The following SV2C variants were observed in gnomAD, a reference collection of about 807,000 sequenced individuals.
SV2C encodes the protein synaptic vesicle glycoprotein 2C.
A neutral mutation model predicts 79.7 loss-of-function variants in SV2C; 49 were observed. The observed-to-expected ratio is 0.61, with a 90% confidence interval of 0.49 to 0.78. The LOEUF (loss-of-function observed/expected upper bound fraction) is 0.78, where lower values mean the gene tolerates loss of function less well. Among genes scored for constraint, SV2C ranks in the 30% least tolerant of loss-of-function variants. The probability of loss-of-function intolerance (pLI) is 0.00; values close to 1 mark genes in which losing one functional copy is unlikely to be tolerated. For synonymous variants in SV2C, 334 were observed against 333.2 expected (o/e 1.00, Z -0.03); for missense variants, 833 against 912.9 (o/e 0.91, Z 1.13).
Position 76,151,061 on chromosome 5 carries a change from C to T in SV2C, c.580+18731C>T, listed in dbSNP as rs150266748. On this transcript the variant is annotated intron_variant, in intron 2 of 12. Transcript: ENST00000502798. ...CTTGTCATCAGAATGACACAGGAAG[C>T]AAAGGACTGAGAGATTCATTCTGTT... Among the ~76,000 whole-genome samples, 655 of 152,206 alleles carry T rather than the reference C, an allele frequency of 4.3e-3. 3 individuals are homozygous for T. The highest frequency in any genetic ancestry group is 0.015 in the African/African-American group (629 of 41,516).
chr5:76,108,310 T>C (rs911629359), intron 1 of SV2C, among the ~76,000 whole-genome samples: 2 of 152,206 alleles, frequency 1.3e-5, no homozygotes, highest in Non-Finnish European at 2.9e-5. Context: ...TTAACTTATA[T>C]AATGTGGCCA....
the SV2C span, among the ~76,000 whole-genome samples, chr5:75,856,125 A>T: frequency 1.3e-5 from 2 of 152,198 alleles, no homozygotes; most frequent in Non-Finnish European, 2.9e-5. Context: ...ACAGGAACTC[A>T]TTCTTTTTGG....
chr5:76,010,091 C>G, the SV2C span, among the ~76,000 whole-genome samples: 3 of 150,834 alleles, frequency 2.0e-5, no homozygotes, highest in Non-Finnish European at 4.4e-5. Context: ...GTTGTATCCC[C>G]AGCACCTACA....
At chr5:75,931,335 T>G in the SV2C span, among the ~76,000 whole-genome samples, 48 of 152,342 alleles carry the variant, frequency 3.2e-4, no homozygotes, top group African/African-American at 1.1e-3. Flanking sequence ...ACAAATCTTC[T>G]ATGTGGTCAT....
At chr5:76,061,196 T>C in the SV2C span, among the ~76,000 whole-genome samples, 1 of 135,950 alleles carries the variant, frequency 7.4e-6, no homozygotes, top group Admixed American at 8.5e-5. Flanking sequence ...AGAGACAAAA[T>C]GAGCACATGC....
At chr5:75,955,358 C>G in the SV2C span, among the ~76,000 whole-genome samples, 2 of 150,662 alleles carry the variant, frequency 1.3e-5, no homozygotes, top group Non-Finnish European at 3.0e-5. Context: ...AAAGCTGAAA[C>G]TGGATCCCTT....
At chr5:76,323,681 G>A (rs1251760468) in intron 12 of SV2C, among the ~76,000 whole-genome samples, 1 of 152,186 alleles carries the variant, frequency 6.6e-6, no homozygotes, top group Non-Finnish European at 1.5e-5. Context: ...TGTGGTACAT[G>A]TACACCATGG....
the SV2C span, among the ~76,000 whole-genome samples, chr5:76,012,196 A>C: frequency 6.6e-6 from 1 of 152,192 alleles, no homozygotes; most frequent in Non-Finnish European, 1.5e-5. Context: ...TGTCTTCCAC[A>C]ATGGTTGAAC....
At position 76,260,659 on chromosome 5, in the gene SV2C, A is replaced by C. The variant is rs371888403; in HGVS notation, c.914-24503A>C. 3.2e-4 allele frequency among the ~76,000 whole-genome samples: 49 copies of C among 152,308 alleles called. No homozygotes were observed. In the South Asian group the frequency reaches 9.5e-3, roughly 30 times the overall value. On this transcript the variant is annotated intron_variant, in intron 4 of 12. Coordinates refer to ENST00000502798, the MANE Select transcript of SV2C (RefSeq NM_014979.4). ...GGTGTCCAGTTTCTGTTTTCTTTAT[A>C]TGGCTAGCCAGTTTTCCCAGTACCA...
At chr5:76,082,896 A>T (rs535942689), upstream of SV2C, among the ~76,000 whole-genome samples, 219 of 152,316 alleles carry the variant, frequency 1.4e-3, 2 homozygotes, top group African/African-American at 5.1e-3. Flanking sequence ...AGTCAGTCCC[A>T]GGCCCGGAAA....
At chr5:76,153,194 C>A (rs1742609052) in intron 2 of SV2C, among the ~76,000 whole-genome samples, 4 of 152,144 alleles carry the variant, frequency 2.6e-5, no homozygotes, top group Admixed American at 2.6e-4. Flanking sequence ...GAAAGGAGTT[C>A]CTAGGAGTAG....
rs116728765 is a variant in SV2C at position 76,178,150 on chromosome 5, G to A, written c.581-16769G>A. 7.3e-3 allele frequency among the ~76,000 whole-genome samples: 1,113 copies of A among 152,266 alleles called. 12 individuals are homozygous for A. The highest frequency in any genetic ancestry group is 0.026 in the African/African-American group (1,060 of 41,556). On this transcript the variant is annotated intron_variant, in intron 2 of 12. Transcript: ENST00000502798. ...GGGCCTCAGGGCTCCAAAAGCAAGT[G>A]CTATGGTAGACAAGGTGGAAACTGC...
intron 1 of SV2C, among the ~76,000 whole-genome samples, chr5:76,121,348 C>G (rs62363468): frequency 0.3 from 45,897 of 150,992 alleles, 8,569 homozygotes; most frequent in African/African-American, 0.52. Flanking sequence ...AGTTTCTTTT[C>G]CTGTGCAGAA....
chr5:76,243,012 TAAAAAAAAAA>T lies in SV2C; in HGVS notation c.913+33144_913+33153del, dbSNP rs559052290. 1.4e-4 allele frequency among the ~76,000 whole-genome samples: 7 copies of T among 49,924 alleles called. No homozygotes were observed. In the East Asian group the frequency reaches 1.9e-3, roughly 13 times the overall value. 32.8% of individuals were successfully genotyped at this position (49,924 alleles called of 152,430 possible). ...CTGTGCAACAGATCGAGACCCCATCTAAAAAAAAAAAAAAAAAAAAAAAAAAAAGACAAAA... is the reference window on the plus strand; with the variant it reads ...CTGTGCAACAGATCGAGACCCCATCTAAAAAAAAAAAAAAAAAAGACAAAA... On this transcript the variant is annotated intron_variant, in intron 4 of 12. Transcript: ENST00000502798.
chr5:76,157,240 G>C (rs181797612), intron 2 of SV2C, among the ~76,000 whole-genome samples: 257 of 152,094 alleles, frequency 1.7e-3, no homozygotes, highest in African/African-American at 5.9e-3. Flanking sequence ...AATAGTAGAG[G>C]CCAGAAAATA....
chr5:76,069,346 G>A, the SV2C span, among the ~76,000 whole-genome samples: 1 of 152,154 alleles, frequency 6.6e-6, no homozygotes, highest in African/African-American at 2.4e-5. Flanking sequence ...TCTCAATGAG[G>A]CTGTGGAAGT....
the SV2C span, among the ~76,000 whole-genome samples, chr5:75,948,452 T>C: frequency 6.6e-6 from 1 of 151,984 alleles, no homozygotes; most frequent in African/African-American, 2.4e-5. Flanking sequence ...TTTCATGGAG[T>C]TTACATTATA....
rs573448810 is a variant in SV2C at position 76,340,417 on chromosome 5, C to G, written c.2001-12713C>G. 2.8e-4 allele frequency among the ~76,000 whole-genome samples: 42 copies of G among 152,234 alleles called. No homozygotes were observed. In the East Asian group the frequency reaches 7.7e-3, roughly 28 times the overall value. ...AATTCTTGTGTGAGGTCCAAGAACC[C>G]TCTCTTGGGGTCTGATTGGGATCCC... On this transcript the variant is annotated intron_variant, in intron 12 of 12. Transcript: ENST00000322285.
the SV2C span, among the ~76,000 whole-genome samples, chr5:75,901,312 C>T: frequency 6.6e-6 from 1 of 152,090 alleles, no homozygotes; most frequent in Non-Finnish European, 1.5e-5. Flanking sequence ...CAGACAGGAC[C>T]CTGAGCTGCA....
Sources: gnomAD v4.1 joint callset for allele counts (sites outside exome capture counted in the v4.1 genomes callset) on GRCh38, gnomAD v4.1.1 for gene constraint, MANE v1.5 for transcripts, NCBI Gene and HGNC (gene_info 2026-07-23, HGNC 2026-07-21) for gene names.